The following NSUN4 variants were observed in gnomAD, a reference collection of about 807,000 sequenced individuals.
The protein encoded by NSUN4 is 5-cytosine rRNA methyltransferase NSUN4.
Under a neutral mutation model 43.8 loss-of-function variants are expected in NSUN4, and 31 were observed. That is an observed-to-expected ratio of 0.71 (90% CI 0.53 to 0.96). The LOEUF is 0.96. NSUN4 is among the 40% of genes least tolerant of loss of function. The probability of loss-of-function intolerance (pLI) is 0.00; values close to 1 mark genes in which losing one functional copy is unlikely to be tolerated. For synonymous variants in NSUN4, 167 were observed against 184.1 expected, an observed-to-expected ratio of 0.91 and a Z score of 0.75; for missense variants, 439 against 475.6, an observed-to-expected ratio of 0.92 and a Z score of 0.72.
chr1:46,385,099 A>G, the NSUN4 span, among the ~76,000 whole-genome samples: 1 of 152,160 alleles, frequency 6.6e-6, no homozygotes, highest in Non-Finnish European at 1.5e-5. Flanking sequence ...ATATTTAACA[A>G]TGCTTCCTGT....
At chr1:46,353,132 T>A in intron 4 of NSUN4, 104 bp downstream of exon 4, 1 of 1,092,138 alleles carries the variant, frequency 9.2e-7, no homozygotes, top group Non-Finnish European at 1.3e-6. Context: ...TTTGAGCATG[T>A]AGAGCTGTTT....
intron 3 of NSUN4, among the ~76,000 whole-genome samples, chr1:46,351,781 C>T (rs1663008400): frequency 6.7e-6 from 1 of 150,290 alleles, no homozygotes; most frequent in East Asian, 2.0e-4. Flanking sequence ...TCCCCTGCCT[C>T]AGCCTCCCGA....
At chr1:46,365,944 A>G (rs1292969505), downstream of NSUN4, among the ~76,000 whole-genome samples, 1 of 152,044 alleles carries the variant, frequency 6.6e-6, no homozygotes, top group Non-Finnish European at 1.5e-5. Flanking sequence ...CCTGGCTAAC[A>G]TGGGAAAACC....
intron 2 of NSUN4, among the ~76,000 whole-genome samples, chr1:46,346,613 A>ATTCAG (rs1662522320): frequency 6.6e-6 from 1 of 151,726 alleles, no homozygotes; most frequent in Non-Finnish European, 1.5e-5. Context: ...AATCCCAGAT[A>ATTCAG]TTCAGGAGGC....
At chr1:46,341,533 G>A (rs1353522147) in intron 1 of NSUN4, 93 of 1,101,164 alleles carry the variant, frequency 8.4e-5, no homozygotes, top group Non-Finnish European at 9.3e-5. Context: ...GACTCTCCTT[G>A]CTTCTCCAGA....
intron 3 of NSUN4, among the ~76,000 whole-genome samples, chr1:46,349,935 T>A (rs1436592879): frequency 6.6e-6 from 1 of 152,168 alleles, no homozygotes; most frequent in African/African-American, 2.4e-5. Context: ...GAGTTGTTCT[T>A]CTAAGGCATG....
the NSUN4 span, among the ~76,000 whole-genome samples, chr1:46,373,685 C>A: frequency 6.6e-6 from 1 of 152,210 alleles, no homozygotes; most frequent in African/African-American, 2.4e-5. Context: ...ACCATGATAA[C>A]CCATGAATCC....
Position 46,361,983 on chromosome 1 carries a change from C to A in NSUN4, c.*137C>A. The A allele has an allele frequency of 1.3e-6, 1 of 793,284 alleles. No individual in the cohort carries two copies. The highest frequency in any genetic ancestry group is 2.0e-6 in the Non-Finnish European group (1 of 507,652). The allele number at this position is 793,284 out of a possible 1,614,324, so 49.1% of individuals were successfully genotyped here. A position where few individuals can be genotyped will look rare whatever the true frequency, so the allele number is the denominator to read the frequency against. On this transcript the variant is annotated 3_prime_UTR_variant, in exon 6 of 6. Coordinates refer to ENST00000474844, the MANE Select transcript of NSUN4 (RefSeq NM_199044.4). ...GTTCGTGTCTTTCTGCAGTTTTCGG[C>A]AATAAGAAGTAGAAGATTTGCTGTC...
chr1:46,363,976 G>T lies in NSUN4; in HGVS notation c.*2130G>T, dbSNP rs1664030112. The T allele has an allele frequency of 6.6e-6, 1 of 151,764 alleles. No homozygotes were observed. Among genetic ancestry groups the T allele is most frequent in the African/African-American group, 2.4e-5 (1 of 41,286 alleles). 9.4% of individuals were successfully genotyped at this position (151,764 alleles called of 1,614,324 possible). A position where few individuals can be genotyped will look rare whatever the true frequency, so the allele number is the denominator to read the frequency against. On this transcript the variant is annotated 3_prime_UTR_variant, in exon 6 of 6. Transcript: ENST00000474844. ...TATTGTTTAATAAATTTTGATAATT[G>T]TATATAATAGTATAGTCACCATCAA...
chr1:46,381,454 C>T, the NSUN4 span, among the ~76,000 whole-genome samples: 5 of 152,126 alleles, frequency 3.3e-5, no homozygotes, highest in Non-Finnish European at 5.9e-5. Context: ...ACTCCTAACC[C>T]CTAGACCCTT....
At chr1:46,355,937 C>T (rs928953560) in intron 4 of NSUN4, among the ~76,000 whole-genome samples, 3 of 151,872 alleles carry the variant, frequency 2.0e-5, no homozygotes, top group African/African-American at 7.3e-5. Context: ...TTGCTTGAAC[C>T]CGGGAGGCAG....
intron 3 of NSUN4, among the ~76,000 whole-genome samples, chr1:46,348,558 C>T (rs767638820): frequency 6.6e-6 from 1 of 151,528 alleles, no homozygotes; most frequent in Non-Finnish European, 1.5e-5. Flanking sequence ...ATTAAAAATA[C>T]AAAAAATTAG....
chr1:46,365,039 T>C (rs976560250), downstream of NSUN4: 6 of 152,392 alleles, frequency 3.9e-5, no homozygotes, highest in African/African-American at 1.4e-4. Flanking sequence ...GAAGCCTGGA[T>C]AATCCTTTCA....
intron 4 of NSUN4, among the ~76,000 whole-genome samples, chr1:46,353,620 C>T (rs182955497): frequency 1.3e-4 from 20 of 152,016 alleles, no homozygotes; most frequent in Non-Finnish European, 2.6e-4. Flanking sequence ...GGATTACAAG[C>T]GCCCACCACC....
chr1:46,382,210 C>G, the NSUN4 span, among the ~76,000 whole-genome samples: 1 of 152,226 alleles, frequency 6.6e-6, no homozygotes, highest in Non-Finnish European at 1.5e-5. Flanking sequence ...CGGGACTGCA[C>G]CTCCACCCGG....
intron 3 of NSUN4, among the ~76,000 whole-genome samples, chr1:46,351,155 C>T (rs919686925): frequency 3.9e-5 from 6 of 152,088 alleles, no homozygotes; most frequent in African/African-American, 1.2e-4. Context: ...CACCTGAGGT[C>T]GGGAGTTCAA....
At chr1:46,370,578 C>A in the NSUN4 span, 2 of 139,516 alleles carry the variant, frequency 1.4e-5, no homozygotes, top group African/African-American at 5.5e-5. Flanking sequence ...ATTCATTTCA[C>A]TTTTGTTATG....
chr1:46,368,269 A>G (rs533755270), downstream of NSUN4, among the ~76,000 whole-genome samples: 5 of 152,220 alleles, frequency 3.3e-5, no homozygotes, highest in East Asian at 9.6e-4. Flanking sequence ...GCCGATCACA[A>G]TAATTCCTCC....
In NSUN4 at chr1:46,343,181, G is replaced by A. The variant is rs916141395; in HGVS notation, c.94-1620G>A. 3.1e-5 allele frequency: 11 copies of A among 351,674 alleles called. No homozygotes were observed. In the Admixed American group the frequency reaches 4.0e-4, roughly 13 times the overall value. The allele number at this position is 351,674 out of a possible 1,614,324, so 21.8% of individuals were successfully genotyped here. A position where few individuals can be genotyped will look rare whatever the true frequency, so the allele number is the denominator to read the frequency against. Reference sequence around the variant, plus strand: ...CACTGTCTGGCTCCCTCAATCATTCGACAGGCCCCCCTCCCATTGTGCCCC... The same window carrying A: ...CACTGTCTGGCTCCCTCAATCATTCAACAGGCCCCCCTCCCATTGTGCCCC... On this transcript the variant is annotated intron_variant, in intron 1 of 5. Coordinates refer to ENST00000474844, the MANE Select transcript of NSUN4 (RefSeq NM_199044.4).
Sources: gnomAD v4.1 joint callset for allele counts (sites outside exome capture counted in the v4.1 genomes callset) on GRCh38, gnomAD v4.1.1 for gene constraint, MANE v1.5 for transcripts, NCBI Gene and HGNC (gene_info 2026-07-23, HGNC 2026-07-21) for gene names.